MSH3: variants seen among roughly 807,000 people sequenced by gnomAD.
MSH3 encodes DNA mismatch repair protein Msh3.
Under a neutral mutation model 123.3 loss-of-function variants are expected in MSH3, and 106 were observed. That is an observed-to-expected ratio of 0.86 (90% CI 0.73 to 1.01). The LOEUF (loss-of-function observed/expected upper bound fraction) is 1.01. MSH3 is among the 50% of genes least tolerant of loss of function. The pLI, the probability that MSH3 is intolerant of heterozygous loss-of-function variation, is 0.00. For synonymous variants in MSH3, 515 were observed against 481.4 expected (o/e 1.07, Z -0.91); for missense variants, 1,459 against 1,347.6 (o/e 1.08, Z -1.29).
At chr5:80,702,058 CAA>C (rs1359826227) in intron 8 of MSH3, among the ~76,000 whole-genome samples, 1 of 151,870 alleles carries the variant, frequency 6.6e-6, no homozygotes, top group East Asian at 1.9e-4. Context: ...GATTTTGTAT[CAA>C]TAATCAATAT....
intron 2 of MSH3, among the ~76,000 whole-genome samples, chr5:80,659,800 C>T (rs995006092): frequency 8.5e-5 from 13 of 152,154 alleles, no homozygotes; most frequent in African/African-American, 3.1e-4. Context: ...ACCCCCTTCC[C>T]CCAGCCCCTG....
chr5:80,756,116 C>T (rs1743921429), intron 12 of MSH3, among the ~76,000 whole-genome samples: 1 of 152,000 alleles, frequency 6.6e-6, no homozygotes, highest in Non-Finnish European at 1.5e-5. Flanking sequence ...GAAACACAGA[C>T]AATTCTTTAA....
At chr5:80,863,120 A>G (rs953114691) in intron 21 of MSH3, among the ~76,000 whole-genome samples, 1 of 152,228 alleles carries the variant, frequency 6.6e-6, no homozygotes, top group African/African-American at 2.4e-5. Context: ...TGTAAAACTG[A>G]TATCACGTCC....
At chr5:80,723,290 T>A (rs555013124) in intron 8 of MSH3, among the ~76,000 whole-genome samples, 1 of 150,746 alleles carries the variant, frequency 6.6e-6, no homozygotes, top group East Asian at 1.9e-4. Flanking sequence ...ATTAAGAGAC[T>A]GTGGTCGTGA....
At chr5:80,655,432 C>T (rs757822159) in intron 1 of MSH3, 1 of 220,850 alleles carries the variant, frequency 4.5e-6, no homozygotes, top group East Asian at 6.6e-5. Context: ...CGGTTAAAAG[C>T]AGTCATATTG....
At chr5:80,716,711 C>A (rs1356249218) in intron 8 of MSH3, among the ~76,000 whole-genome samples, 2 of 152,172 alleles carry the variant, frequency 1.3e-5, no homozygotes, top group Non-Finnish European at 2.9e-5. Flanking sequence ...TCACCTCAGA[C>A]ACAACATTTC....
chr5:80,813,792 A>T, intron 20 of MSH3, 51 bp downstream of exon 20: 2 of 1,585,466 alleles, frequency 1.3e-6, no homozygotes. Context: ...AGTCAAGCCC[A>T]CATTATCGCA....
chr5:80,692,693 A>T (rs1011735385), intron 8 of MSH3, among the ~76,000 whole-genome samples: 10 of 136,874 alleles, frequency 7.3e-5, no homozygotes, highest in African/African-American at 2.1e-4. Flanking sequence ...TATATAGATA[A>T]ATATACATAC....
intron 13 of MSH3, among the ~76,000 whole-genome samples, chr5:80,767,403 GCGTTC>G (rs1744141396): frequency 6.6e-6 from 1 of 151,982 alleles, no homozygotes; most frequent in African/African-American, 2.4e-5. Context: ...TAAATCTTTG[GCGTTC>G]CGATAAGTGA....
intron 20 of MSH3, among the ~76,000 whole-genome samples, chr5:80,836,800 T>C (rs991366492): frequency 1.3e-5 from 2 of 152,124 alleles, no homozygotes; most frequent in African/African-American, 2.4e-5. Flanking sequence ...TATTATTTTG[T>C]ATTGTTTTTT....
At chr5:80,799,177 G>C (rs1317200566) in intron 19 of MSH3, among the ~76,000 whole-genome samples, 1 of 152,060 alleles carries the variant, frequency 6.6e-6, no homozygotes, top group Non-Finnish European at 1.5e-5. Flanking sequence ...AATTGGGCAG[G>C]ATCCAGGTGT....
chr5:80,667,309 A>G (rs193176552), intron 3 of MSH3, among the ~76,000 whole-genome samples: 120 of 152,348 alleles, frequency 7.9e-4, no homozygotes, highest in Non-Finnish European at 1.3e-3. Context: ...AATACATACT[A>G]TATTCCATGA....
At chr5:80,823,120 T>A (rs1385317069) in intron 20 of MSH3, among the ~76,000 whole-genome samples, 4 of 152,224 alleles carry the variant, frequency 2.6e-5, no homozygotes, top group African/African-American at 9.6e-5. Flanking sequence ...CACTTTTGTA[T>A]GAGTAATTGT....
intron 20 of MSH3, among the ~76,000 whole-genome samples, chr5:80,837,323 T>C (rs245373): frequency 0.7 from 107,057 of 152,044 alleles, 37,710 homozygotes; most frequent in South Asian, 0.8. Context: ...TCACGCCTAT[T>C]ATCTCAGCAC....
intron 12 of MSH3, among the ~76,000 whole-genome samples, chr5:80,757,387 A>G (rs1743945052): frequency 6.6e-6 from 1 of 152,160 alleles, no homozygotes; most frequent in Non-Finnish European, 1.5e-5. Flanking sequence ...TCACAGTAGC[A>G]ACCAGTAGGT....
intron 10 of MSH3, among the ~76,000 whole-genome samples, chr5:80,737,429 T>G (rs1402909377): frequency 1.3e-5 from 2 of 152,210 alleles, no homozygotes; most frequent in Non-Finnish European, 2.9e-5. Context: ...AAAAAAAGCA[T>G]CTATTGTATT....
Position 80,675,077 on chromosome 5 carries a change from T to G in MSH3, c.1122T>G (p.Asn374Lys), listed in dbSNP as rs146703236. 9.9e-6 allele frequency: 16 copies of G among 1,613,606 alleles called. No individual in the cohort carries two copies. In the African/African-American group the frequency reaches 2.1e-4, roughly 22 times the overall value. Reference sequence around the variant, plus strand: ...GCTATCTTCTGTGCATCTCTGAAAATAAGGAAAATGTTAGGGACAAAAAAA... The same window carrying G: ...GCTATCTTCTGTGCATCTCTGAAAAGAAGGAAAATGTTAGGGACAAAAAAA... ...STSYLLCISE[N>K]KENVRDKKKG... The change falls in exon 7 of 24, where the codon AAT (asparagine) becomes AAG (lysine). Residue 374 changes from asparagine (N) to lysine (K), a missense_variant. Asn to Lys is a moderately conservative substitution (Grantham distance 94). Coordinates refer to ENST00000265081, the MANE Select transcript of MSH3 (RefSeq NM_002439.5).
intron 12 of MSH3, chr5:80,746,512 G>A: frequency 2.0e-6 from 1 of 491,214 alleles, no homozygotes. Context: ...GTAGTTTGCA[G>A]GCAGAAGTAG....
Position 80,670,209 on chromosome 5 carries a change from C to A in MSH3, c.692C>A (p.Pro231Gln). ...AAACGGTCCAAAAGCATCTATACGC[C>A]GCTAGAATTACAATACATAGAAATG... ...ANKRSKSIYTPLELQYIEMKQ... is the reference protein window; with the variant it reads ...ANKRSKSIYTQLELQYIEMKQ... Residue 231 changes from proline (P) to glutamine (Q), a missense_variant, in exon 4 of 24, where the codon CCG becomes CAG. Physicochemically the swap from Pro to Gln is moderately conservative, Grantham distance 76. Coordinates refer to ENST00000265081, the MANE Select transcript of MSH3 (RefSeq NM_002439.5). The A allele has an allele frequency of 6.2e-7, 1 of 1,614,020 alleles. No homozygotes were observed. The highest frequency in any genetic ancestry group is 1.1e-5 in the South Asian group (1 of 91,074).
Sources: allele counts gnomAD v4.1 joint callset (sites outside exome capture counted in the v4.1 genomes callset), GRCh38; gene constraint gnomAD v4.1.1; transcripts MANE v1.5; gene names NCBI Gene and HGNC (gene_info 2026-07-23, HGNC 2026-07-21).